Variants in DSCAM observed in about 807,000 individuals in gnomAD.
DSCAM encodes the protein DS cell adhesion molecule.
DSCAM carries 47 observed loss-of-function variants against 217.7 expected under a neutral mutation model. That is an observed-to-expected ratio of 0.22 (90% CI 0.17 to 0.28). DSCAM has a LOEUF of 0.28. DSCAM is among the 10% of genes least tolerant of loss of function. The pLI, the probability that DSCAM is intolerant of heterozygous loss-of-function variation, is 1.00. For missense variants in DSCAM, 2,080 were observed against 2,618.3 expected, an observed-to-expected ratio of 0.79 and a Z score of 4.49; for synonymous variants, 1,056 against 1,015.3, an observed-to-expected ratio of 1.04 and a Z score of -0.76.
At chr21:40,538,570 T>C (rs2076518051) in intron 3 of DSCAM, among the ~76,000 whole-genome samples, 1 of 152,214 alleles carries the variant, frequency 6.6e-6, no homozygotes. Flanking sequence ...AATCAAAATT[T>C]GCCTTGATAT....
chr21:40,137,645 ATT>A (rs1373596111), intron 18 of DSCAM, among the ~76,000 whole-genome samples: 1 of 40,548 alleles, frequency 2.5e-5, no homozygotes, highest in Non-Finnish European at 5.9e-5. Flanking sequence ...ACACACACAC[ATT>A]AACTGAAGTG....
At chr21:40,715,310 T>C (rs1223858811) in intron 1 of DSCAM, among the ~76,000 whole-genome samples, 1 of 152,216 alleles carries the variant, frequency 6.6e-6, no homozygotes, top group African/African-American at 2.4e-5. Context: ...TTTAGCATCC[T>C]CCAGGTATCT....
At chr21:40,503,607 G>T (rs1329886922) in intron 3 of DSCAM, among the ~76,000 whole-genome samples, 2 of 152,128 alleles carry the variant, frequency 1.3e-5, no homozygotes, top group Admixed American at 6.5e-5. Context: ...ATTTTCAGTG[G>T]GTTACCTTAC....
chr21:40,338,436 T>C lies in DSCAM; in HGVS notation c.1508-60A>G, dbSNP rs2074451929. On this transcript the variant is annotated intron_variant, in intron 7 of 32. Coordinates refer to ENST00000400454, the MANE Select transcript of DSCAM (RefSeq NM_001389.5). ...TAAGGGTACATCTCATGTAGGGAAA[T>C]GGGTACACTTTTCCTTGAGTTAAAA... 6 of 1,505,988 alleles carry C rather than the reference T, an allele frequency of 4.0e-6. No homozygotes were observed. The South Asian group carries it at 7.7e-5, about 19-fold the overall frequency. 93.3% of individuals were successfully genotyped at this position (1,505,988 alleles called of 1,614,324 possible).
At chr21:40,530,120 C>A (rs544420893) in intron 3 of DSCAM, among the ~76,000 whole-genome samples, 27 of 152,332 alleles carry the variant, frequency 1.8e-4, no homozygotes, top group Non-Finnish European at 3.7e-4. Context: ...ACACTGCCCC[C>A]AGAAGTGACT....
rs544919766 is a variant in DSCAM, at chr21:40,717,879, T to C, written c.44-9108A>G. On this transcript the variant is annotated intron_variant, in intron 1 of 32. Coordinates refer to ENST00000400454, the MANE Select transcript of DSCAM (RefSeq NM_001389.5). ...GACAATGAACAATCAATTTCCCAAA[T>C]TGAAGTTTGAGAAAGTAAACACTGA... Among the ~76,000 whole-genome samples, 5 of 152,160 alleles carry C rather than the reference T, an allele frequency of 3.3e-5. No individual in the cohort carries two copies. In the East Asian group the frequency reaches 5.8e-4, roughly 18 times the overall value.
At chr21:40,109,039 A>T (rs961388607) in intron 20 of DSCAM, among the ~76,000 whole-genome samples, 2 of 152,218 alleles carry the variant, frequency 1.3e-5, no homozygotes, top group Admixed American at 6.5e-5. Flanking sequence ...ACCTAAAGCT[A>T]AAAACACTCT....
intron 32 of DSCAM, among the ~76,000 whole-genome samples, chr21:40,019,916 C>T (rs1379497369): frequency 6.6e-6 from 1 of 152,128 alleles, no homozygotes; most frequent in African/African-American, 2.4e-5. Flanking sequence ...CTCCACATTT[C>T]CCCCCTTCCC....
chr21:40,575,809 G>A (rs1265444575), intron 3 of DSCAM, among the ~76,000 whole-genome samples: 1 of 151,610 alleles, frequency 6.6e-6, no homozygotes, highest in East Asian at 1.9e-4. Flanking sequence ...GTAGTAAGAA[G>A]GCAACCCAAG....
chr21:40,257,497 C>CACACACACACACACACACACACACACAA (rs975639777), intron 11 of DSCAM, among the ~76,000 whole-genome samples: 2 of 151,594 alleles, frequency 1.3e-5, no homozygotes, highest in Admixed American at 6.6e-5. Flanking sequence ...CACACACACA[C>CACACACACACACACACACACACACACAA]AATGGCAAAC....
intron 2 of DSCAM, among the ~76,000 whole-genome samples, chr21:40,705,672 G>A (rs2090706921): frequency 6.6e-6 from 1 of 152,090 alleles, no homozygotes; most frequent in Non-Finnish European, 1.5e-5. Context: ...GAACAGAATG[G>A]GGGAAACTTA....
intron 3 of DSCAM, among the ~76,000 whole-genome samples, chr21:40,666,560 T>C (rs753482047): frequency 3.1e-4 from 47 of 152,344 alleles, no homozygotes; most frequent in South Asian, 2.1e-3. Flanking sequence ...TGGCTGCTTC[T>C]GCTTCTGCCT....
At chr21:40,813,954 G>C (rs149776983) in intron 1 of DSCAM, among the ~76,000 whole-genome samples, 241 of 152,090 alleles carry the variant, frequency 1.6e-3, no homozygotes, top group Non-Finnish European at 2.6e-3. Context: ...CAGTTTTGAC[G>C]GTTTCTTTTG....
At chr21:40,137,622 CACACACACACACACACACACACAT>C (rs1393625060) in intron 18 of DSCAM, among the ~76,000 whole-genome samples, 1 of 130,606 alleles carries the variant, frequency 7.7e-6, no homozygotes, top group East Asian at 2.1e-4. Context: ...CACACACACA[CACACACACACACACACACACACAT>C]TAACTGAAGT....
At chr21:40,489,782 A>AAAAAAAAAAT (rs2076060694) in intron 3 of DSCAM, among the ~76,000 whole-genome samples, 1 of 143,024 alleles carries the variant, frequency 7.0e-6, no homozygotes, top group African/African-American at 2.8e-5. Flanking sequence ...CTCAAAAAAA[A>AAAAAAAAAAT]AAAAAAAAAA....
At chr21:40,578,145 AT>A (rs1217540174) in intron 3 of DSCAM, among the ~76,000 whole-genome samples, 1 of 152,178 alleles carries the variant, frequency 6.6e-6, no homozygotes, top group Non-Finnish European at 1.5e-5. Context: ...ACTGAGAAAA[AT>A]AGAGTGCAGG....
chr21:40,585,179 C>CTTTTT (rs11304632), intron 3 of DSCAM, among the ~76,000 whole-genome samples: 3 of 145,936 alleles, frequency 2.1e-5, no homozygotes, highest in African/African-American at 2.5e-5. Context: ...AAATCAACTT[C>CTTTTT]TTTTTTTTTT....
chr21:40,030,264 G>A (rs1188970033), intron 32 of DSCAM, among the ~76,000 whole-genome samples: 1 of 152,158 alleles, frequency 6.6e-6, no homozygotes, highest in Non-Finnish European at 1.5e-5. Flanking sequence ...GACTGGTCCT[G>A]TTTTGGGAAC....
chr21:40,333,566 C>T (rs1044729289), intron 8 of DSCAM, among the ~76,000 whole-genome samples: 9 of 152,102 alleles, frequency 5.9e-5, no homozygotes, highest in African/African-American at 1.4e-4. Context: ...GGTTTTGCCA[C>T]GTTGGCCAGG....
Sources: gnomAD v4.1 joint callset for allele counts (sites outside exome capture counted in the v4.1 genomes callset) on GRCh38, gnomAD v4.1.1 for gene constraint, MANE v1.5 for transcripts, NCBI Gene and HGNC (gene_info 2026-07-23, HGNC 2026-07-21) for gene names.